Variants in ALS2 observed in about 807,000 individuals in gnomAD.
The protein encoded by ALS2 is alsin Rho guanine nucleotide exchange factor ALS2.
ALS2 carries 117 observed loss-of-function variants against 203.4 expected under a neutral mutation model. That is an observed-to-expected ratio of 0.58 (90% CI 0.50 to 0.67). The LOEUF (loss-of-function observed/expected upper bound fraction) is 0.67, where lower values mean the gene tolerates loss of function less well. Among genes scored for constraint, ALS2 ranks in the 30% least tolerant of loss-of-function variants. ALS2 has a pLI of 0.00. For synonymous variants in ALS2, 718 were observed against 725.9 expected (o/e 0.99, Z 0.17); for missense variants, 1,715 against 1,989.4 (o/e 0.86, Z 2.62).
chr2:201,709,353 C>T (rs1403969634), intron 27 of ALS2, among the ~76,000 whole-genome samples: 2 of 152,154 alleles, frequency 1.3e-5, no homozygotes, highest in Non-Finnish European at 2.9e-5. Flanking sequence ...ACTCTTTTCC[C>T]CCATTAGAAT....
intron 27 of ALS2, among the ~76,000 whole-genome samples, chr2:201,708,488 A>G (rs1689858495): frequency 6.6e-6 from 1 of 152,168 alleles, no homozygotes; most frequent in South Asian, 2.1e-4. Flanking sequence ...CTTCTGGTGT[A>G]CCCATCACCT....
At chr2:201,746,462 T>C in intron 9 of ALS2, 104 bp downstream of exon 9, 2 of 1,346,078 alleles carry the variant, frequency 1.5e-6, no homozygotes, top group African/African-American at 1.4e-5. Flanking sequence ...ATAAGGTAGT[T>C]AGAGATGCTT....
intron 33 of ALS2, among the ~76,000 whole-genome samples, chr2:201,703,527 T>C (rs1161203255): frequency 6.6e-6 from 1 of 152,220 alleles, no homozygotes; most frequent in African/African-American, 2.4e-5. Flanking sequence ...GTAGGTCTAT[T>C]CTTTCTCATT....
intron 24 of ALS2, among the ~76,000 whole-genome samples, chr2:201,716,268 G>T (rs988005100): frequency 6.6e-6 from 1 of 152,082 alleles, no homozygotes; most frequent in East Asian, 1.9e-4. Flanking sequence ...AATTGGCTGG[G>T]CATGGTGGCT....
rs1251267593 is a variant in ALS2, at chr2:201,761,453, C to T, written c.541G>A (p.Gly181Ser). The change falls in exon 4 of 34, where the codon GGT becomes AGT. Residue 181 changes from glycine (G) to serine (S), a missense_variant. Transcript: ENST00000264276. Reference sequence around the variant, plus strand: ...ACTGGGAAGGCAGTGGTAATGAGACCCAACTGACAACCGGTACCCCATGCC... The same window carrying T: ...ACTGGGAAGGCAGTGGTAATGAGACTCAACTGACAACCGGTACCCCATGCC... ...IWAWGTGCQL[G>S]LITTAFPVTK... 1.2e-6 allele frequency: 2 copies of T among 1,607,202 alleles called. No homozygotes were observed.
intron 12 of ALS2, among the ~76,000 whole-genome samples, chr2:201,734,311 CA>C: frequency 6.6e-6 from 1 of 152,072 alleles, no homozygotes; most frequent in African/African-American, 2.4e-5. Flanking sequence ...CCTGTCTCTG[CA>C]AAAAATACAA....
intron 8 of ALS2, 48 bp from the exon 9 acceptor site, chr2:201,746,796 G>C: frequency 6.2e-7 from 1 of 1,604,188 alleles, no homozygotes; most frequent in Non-Finnish European, 8.5e-7. Flanking sequence ...GGCAATCAGA[G>C]AGAACTTCGG....
intron 31 of ALS2, 75 bp downstream of exon 31, chr2:201,705,064 A>T: frequency 7.1e-7 from 1 of 1,412,494 alleles, no homozygotes. Context: ...GGTAAAGATA[A>T]GATCATATTA....
chr2:201,773,835 C>G (rs1345479302), intron 1 of ALS2, among the ~76,000 whole-genome samples: 1 of 152,154 alleles, frequency 6.6e-6, no homozygotes, highest in African/African-American at 2.4e-5. Flanking sequence ...GAGAAGTGGT[C>G]TGCCGTGGGC....
rs1689350502 is a variant in ALS2, at chr2:201,700,910, TC to T, written c.*940del. The T allele has an allele frequency of 6.6e-6, 1 of 152,296 alleles. No homozygotes were observed. Among genetic ancestry groups the T allele is most frequent in the South Asian group, 2.1e-4 (1 of 4,834 alleles). 9.4% of individuals were successfully genotyped at this position (152,296 alleles called of 1,614,324 possible). On this transcript the variant is annotated 3_prime_UTR_variant, in exon 34 of 34. Coordinates refer to ENST00000264276, the MANE Select transcript of ALS2 (RefSeq NM_020919.4). ...AAAAAGCCAAAGCTTGTTTCCTTTT[TC>T]TTCCCATCCTGAGTTCAGTGTGAAG...
rs186167314 is a variant in ALS2 at position 201,774,797 on chromosome 2, T to C, written c.-60-5852A>G. ...GTATTATGCTAGTCTAAAATTTCCATGGAAGCAGAGTGACAAATATCGTAT... is the reference window on the plus strand; with the variant it reads ...GTATTATGCTAGTCTAAAATTTCCACGGAAGCAGAGTGACAAATATCGTAT... On this transcript the variant is annotated intron_variant, in intron 1 of 33. Coordinates refer to ENST00000264276, the MANE Select transcript of ALS2 (RefSeq NM_020919.4). Among the ~76,000 whole-genome samples, 18 of 152,304 alleles carry C rather than the reference T, an allele frequency of 1.2e-4. No individual in the cohort carries two copies. The East Asian group carries it at 2.9e-3, about 24-fold the overall frequency.
chr2:201,732,241 C>A (rs1275194380), intron 13 of ALS2, among the ~76,000 whole-genome samples: 1 of 151,798 alleles, frequency 6.6e-6, no homozygotes, highest in African/African-American at 2.4e-5. Context: ...AGAGACAGAC[C>A]CAAAGATTAA....
At chr2:201,714,357 A>T (rs1055018940) in intron 25 of ALS2, among the ~76,000 whole-genome samples, 1 of 152,134 alleles carries the variant, frequency 6.6e-6, no homozygotes, top group East Asian at 1.9e-4. Context: ...CTGGGCACTG[A>T]GTCTCTAGTG....
At chr2:201,731,306 T>C (rs750619752) in intron 13 of ALS2, among the ~76,000 whole-genome samples, 9 of 152,130 alleles carry the variant, frequency 5.9e-5, no homozygotes, top group Non-Finnish European at 1.2e-4. Context: ...ACCAGAATAA[T>C]GCAGTGGTTT....
chr2:201,771,899 G>C (rs1278900137), intron 1 of ALS2, among the ~76,000 whole-genome samples: 1 of 152,184 alleles, frequency 6.6e-6, no homozygotes, highest in Non-Finnish European at 1.5e-5. Flanking sequence ...AACCAGCTCT[G>C]ATAAAGAAGC....
chr2:201,742,852 A>T lies in ALS2; in HGVS notation c.2171-998T>A, dbSNP rs190639626. On this transcript the variant is annotated intron_variant, in intron 10 of 33. Coordinates refer to ENST00000264276, the MANE Select transcript of ALS2 (RefSeq NM_020919.4). ...TTTGGGAGGCCGAGGCAGGCAGATC[A>T]CTTAAGGCCAGGAGTACAAGACCAG... is the stretch of plus-strand genomic sequence containing the variant. Among the ~76,000 whole-genome samples, 146 of 152,244 alleles carry T rather than the reference A, an allele frequency of 9.6e-4. 1 individual carries two copies. Among genetic ancestry groups the T allele is most frequent in the African/African-American group, 3.4e-3 (141 of 41,552 alleles).
chr2:201,760,967 G>T lies in ALS2; in HGVS notation c.1027C>A (p.Gln343Lys). The T allele has an allele frequency of 6.2e-7, 1 of 1,614,144 alleles. No homozygotes were observed. The highest frequency in any genetic ancestry group is 8.5e-7 in the Non-Finnish European group (1 of 1,180,028). Residue 343 changes from glutamine to lysine, a missense_variant, in exon 4 of 34, where the codon CAA becomes AAA. Transcript: ENST00000264276. ...TTCCGTAGGTATTCATTGACTGCTT[G>T]GGTGTCAGGGTATGATGGTATGTTT... The part of the protein sequence containing the change: ...ARNIPSYPDT[Q>K]AVNEYLRKLS...
chr2:201,732,380 C>T (rs1691616705), intron 13 of ALS2, among the ~76,000 whole-genome samples: 2 of 148,384 alleles, frequency 1.3e-5, no homozygotes, highest in African/African-American at 5.0e-5. Context: ...ATGGTGATAT[C>T]CCATCTCTAC....
chr2:201,741,627 A>C (rs376106249), intron 11 of ALS2, 47 bp downstream of exon 11: 81 of 1,583,516 alleles, frequency 5.1e-5, no homozygotes, highest in Middle Eastern at 1.7e-4. Context: ...TCTCCTTGGC[A>C]GAATAACCCT....
Sources: allele counts gnomAD v4.1 joint callset (sites outside exome capture counted in the v4.1 genomes callset), GRCh38; gene constraint gnomAD v4.1.1; transcripts MANE v1.5; gene names NCBI Gene and HGNC (gene_info 2026-07-23, HGNC 2026-07-21).